Variants in ATRIP observed in about 807,000 individuals in gnomAD.
ATRIP encodes ATR-interacting protein.
ATRIP carries 44 observed loss-of-function variants against 78.1 expected under a neutral mutation model. The ratio of observed to expected loss-of-function variants is 0.56; its 90% CI spans 0.44 to 0.72. ATRIP has a LOEUF of 0.72. Ranked by LOEUF, ATRIP falls within the 30% of genes least tolerant of loss-of-function variation. ATRIP has a pLI of 0.00. For missense variants in ATRIP, 927 were observed against 980.2 expected (o/e 0.95, Z 0.72); for synonymous variants, 388 against 408.9 (o/e 0.95, Z 0.62).
rs780022923 is a variant in ATRIP, at chr3:48,467,572, G to C, written c.*2018G>C. The C allele has an allele frequency of 2.5e-6, 4 of 1,613,362 alleles. No individual in the cohort carries two copies. Among genetic ancestry groups the C allele is most frequent in the Non-Finnish European group, 3.4e-6 (4 of 1,179,636 alleles). ...ACCTTGGCAGTAGCCACACTGTATG[G>C]ACTATCCCTGGCCACACCTGGGGAG... On this transcript the variant is annotated 3_prime_UTR_variant, in exon 13 of 13. Coordinates refer to ENST00000320211, the MANE Select transcript of ATRIP (RefSeq NM_130384.3).
At chr3:48,463,956 G>C (rs1560108606) in intron 9 of ATRIP, 75 bp downstream of exon 9, 1 of 1,605,200 alleles carries the variant, frequency 6.2e-7, no homozygotes, top group East Asian at 2.2e-5. Flanking sequence ...ACAGGGTCAA[G>C]GGCCTCAGAG....
intron 9 of ATRIP, 48 bp downstream of exon 9, chr3:48,463,929 G>A: frequency 1.9e-6 from 3 of 1,608,508 alleles, no homozygotes; most frequent in Non-Finnish European, 2.6e-6. Flanking sequence ...CAGATCAAGG[G>A]AAGGGTTGGG....
At position 48,464,768 on chromosome 3, in the gene ATRIP, G is replaced by A. The variant is rs191784179; in HGVS notation, c.2056-63G>A. The A allele has an allele frequency of 7.0e-5, 112 of 1,602,548 alleles. No homozygotes were observed. The African/African-American group carries it at 1.4e-3, about 20-fold the overall frequency. ...CCCTCACGTGAGGTGGCTAGGCTGA[G>A]CGGATTGTTAGGGTGCAGGCCATGG... On this transcript the variant is annotated intron_variant, in intron 11 of 12. Transcript: ENST00000320211.
At chr3:48,453,035 C>T (rs1372952945) in intron 3 of ATRIP, among the ~76,000 whole-genome samples, 1 of 152,026 alleles carries the variant, frequency 6.6e-6, no homozygotes, top group Non-Finnish European at 1.5e-5. Flanking sequence ...TAGGCACACA[C>T]CACCAGGCAA....
intron 1 of ATRIP, among the ~76,000 whole-genome samples, chr3:48,449,325 A>G (rs989197294): frequency 6.8e-6 from 1 of 148,112 alleles, no homozygotes; most frequent in Non-Finnish European, 1.5e-5. Flanking sequence ...GAGGCACAAG[A>G]ATCGCTTGAA....
In ATRIP at chr3:48,466,479, T is replaced by C. The variant is rs1378988523; in HGVS notation, c.*925T>C. On this transcript the variant is annotated 3_prime_UTR_variant, in exon 13 of 13. Transcript: ENST00000320211. ...GGAAACCACCTCACCCTCTCCAACT[T>C]CCTGCCTGAAAATGGGCCCTGGAGC... 1 of 1,613,892 alleles carries C rather than the reference T, an allele frequency of 6.2e-7. No homozygotes were observed. Among genetic ancestry groups the C allele is most frequent in the Admixed American group, 1.7e-5 (1 of 60,018 alleles).
intron 1 of ATRIP, among the ~76,000 whole-genome samples, chr3:48,448,193 ACT>A (rs2039734720): frequency 8.5e-6 from 1 of 117,030 alleles, no homozygotes; most frequent in African/African-American, 3.4e-5. Flanking sequence ...ACGGAGTCTC[ACT>A]CTGTCACCCA....
intron 2 of ATRIP, among the ~76,000 whole-genome samples, chr3:48,450,867 C>A (rs1250710720): frequency 6.6e-6 from 1 of 151,784 alleles, no homozygotes; most frequent in Admixed American, 6.6e-5. Flanking sequence ...CCACACCCAG[C>A]GACCCAGATC....
chr3:48,449,944 G>GAAAAAAA, intron 1 of ATRIP, 93 bp from the exon 2 acceptor site: 2 of 1,118,986 alleles, frequency 1.8e-6, no homozygotes, highest in African/African-American at 2.1e-5. Context: ...TCTCAAAAAA[G>GAAAAAAA]AAAAAAAAAA....
intron 3 of ATRIP, among the ~76,000 whole-genome samples, chr3:48,453,631 T>C (rs2039886106): frequency 6.6e-6 from 1 of 152,220 alleles, no homozygotes; most frequent in South Asian, 2.1e-4. Flanking sequence ...CTGTAGCAAC[T>C]GCAGGCCAGA....
chr3:48,458,559 A>T (rs2040016447), intron 5 of ATRIP, among the ~76,000 whole-genome samples: 1 of 152,040 alleles, frequency 6.6e-6, no homozygotes, highest in South Asian at 2.1e-4. Context: ...TGACCTCGTG[A>T]TCCACCCACT....
At chr3:48,456,459 G>A (rs1190757218) in intron 4 of ATRIP, among the ~76,000 whole-genome samples, 1 of 151,936 alleles carries the variant, frequency 6.6e-6, no homozygotes, top group African/African-American at 2.4e-5. Context: ...AGCCAGATGT[G>A]GTGGTTGCAC....
rs773752446 is a variant in ATRIP at position 48,459,809 on chromosome 3, C to G, written c.948C>G (p.Leu316=). Residue 316 remains leucine (L), a synonymous_variant, in exon 7 of 13, where the codon CTC becomes CTG. Transcript: ENST00000320211. ...NTQGSILINL[L]LKQPLIPGSS... ...CAGGTTCCATTTTGATAAACCTGCT[C>G]CTGAAGCAGCCTTTGATCCCAGGGT... The G allele has an allele frequency of 1.2e-6, 2 of 1,612,724 alleles. No individual in the cohort carries two copies. Among genetic ancestry groups the G allele is most frequent in the African/African-American group, 1.3e-5 (1 of 74,934 alleles).
intron 8 of ATRIP, 133 bp downstream of exon 8, chr3:48,460,932 G>A: frequency 1.1e-6 from 1 of 895,512 alleles, no homozygotes; most frequent in South Asian, 2.0e-5. Context: ...GGTTCAGGGA[G>A]TTCTGAAGTG....
chr3:48,449,413 CAAAAAAAAA>C (rs1297709851), intron 1 of ATRIP, among the ~76,000 whole-genome samples: 2 of 60,112 alleles, frequency 3.3e-5, no homozygotes, highest in African/African-American at 8.3e-5. Flanking sequence ...GACTCTGTCT[CAAAAAAAAA>C]AAAAAAAAAA....
At position 48,446,813 on chromosome 3, in the gene ATRIP, G is replaced by T. The variant is rs955972773; in HGVS notation, c.-33G>T. Reference sequence around the variant, plus strand: ...GCCTGGCGGCAGGCAAGTCTAGCTCGGCGCTGTCGGATACTTGGGGTGAGC... The same window carrying T: ...GCCTGGCGGCAGGCAAGTCTAGCTCTGCGCTGTCGGATACTTGGGGTGAGC... On this transcript the variant is annotated 5_prime_UTR_variant, in exon 1 of 13. Transcript: ENST00000320211. 4.4e-6 allele frequency: 6 copies of T among 1,378,518 alleles called. No individual in the cohort carries two copies. In the African/African-American group the frequency reaches 7.5e-5, roughly 17 times the overall value. The allele number at this position is 1,378,518 out of a possible 1,614,324, so 85.4% of individuals were successfully genotyped here.
intron 6 of ATRIP, 28 bp from the exon 7 acceptor site, chr3:48,459,759 C>T: frequency 1.2e-6 from 2 of 1,601,040 alleles, no homozygotes; most frequent in Non-Finnish European, 1.7e-6. Flanking sequence ...CATGTCAGAA[C>T]CTTCTAGAGT....
At chr3:48,448,455 C>T (rs7623982) in intron 1 of ATRIP, among the ~76,000 whole-genome samples, 5,781 of 152,330 alleles carry the variant, frequency 0.038, 379 homozygotes, top group African/African-American at 0.13. Context: ...GCTGAGATTA[C>T]AGGTATGAGC....
Position 48,459,416 on chromosome 3 carries a change from G to C in ATRIP, c.887G>C (p.Ser296Thr). 6.2e-7 allele frequency: 1 copy of C among 1,614,104 alleles called. No homozygotes were observed. Among genetic ancestry groups the C allele is most frequent in the African/African-American group, 1.3e-5 (1 of 75,074 alleles). The change falls in exon 6 of 13, where the codon AGC becomes ACC. Residue 296 changes from serine (S) to threonine (T), a missense_variant. By Grantham distance (58) the Ser-to-Thr change is moderately conservative. Transcript: ENST00000320211. ...DSIKQEEAQKSFVDSWRQRSN... is the reference protein window; with the variant it reads ...DSIKQEEAQKTFVDSWRQRSN... ...ATAAAACAAGAAGAGGCCCAGAAAA[G>C]CTTTGTTGACAGCTGGAGACAGAGA...
Sources: allele counts gnomAD v4.1 joint callset (sites outside exome capture counted in the v4.1 genomes callset), GRCh38; gene constraint gnomAD v4.1.1; transcripts MANE v1.5; gene names NCBI Gene and HGNC (gene_info 2026-07-23, HGNC 2026-07-21).